Variants in GSE1 observed in about 807,000 individuals in gnomAD.
The protein encoded by GSE1 is genetic suppressor element 1.
In GSE1, 32 loss-of-function variants were observed where a neutral mutation model predicts 112.6. The observed-to-expected ratio is 0.28, with a 90% confidence interval of 0.21 to 0.38. GSE1 has a LOEUF of 0.38. GSE1 is among the 10% of genes least tolerant of loss of function. GSE1 has a pLI of 1.00. For synonymous variants in GSE1, 1,115 were observed against 735.6 expected (o/e 1.52, Z -8.35); for missense variants, 2,348 against 1,699.2 (o/e 1.38, Z -6.71).
At chr16:85,472,129 G>A (rs574030468) in intron 2 of GSE1, among the ~76,000 whole-genome samples, 1 of 152,296 alleles carries the variant, frequency 6.6e-6, no homozygotes, top group East Asian at 1.9e-4. Context: ...TCTCCTGGGG[G>A]ATCTCAGACC....
At chr16:85,274,636 A>G (rs1909176112) in intron 1 of GSE1, among the ~76,000 whole-genome samples, 1 of 152,310 alleles carries the variant, frequency 6.6e-6, no homozygotes, top group South Asian at 2.1e-4. Context: ...CCAGCCTCCC[A>G]CGTGGGATGG....
chr16:85,270,236 G>A (rs73253714), intron 1 of GSE1, among the ~76,000 whole-genome samples: 2,452 of 149,030 alleles, frequency 0.016, 100 homozygotes, highest in African/African-American at 0.056. Flanking sequence ...ACAACTCTGC[G>A]GTCTCTGGGG....
At chr16:85,382,930 G>T (rs532884456) in intron 2 of GSE1, among the ~76,000 whole-genome samples, 2 of 148,324 alleles carry the variant, frequency 1.3e-5, no homozygotes, top group African/African-American at 5.0e-5. Context: ...GCACACACGC[G>T]CACACAACAC....
chr16:85,330,849 A>ACCC (rs1258808726), intron 1 of GSE1, among the ~76,000 whole-genome samples: 1 of 151,532 alleles, frequency 6.6e-6, no homozygotes, highest in Non-Finnish European at 1.5e-5. Flanking sequence ...CTCCCTTCTT[A>ACCC]CCCCAGGCTT....
chr16:85,343,449 A>G (rs1025891206), intron 1 of GSE1, among the ~76,000 whole-genome samples: 1 of 152,172 alleles, frequency 6.6e-6, no homozygotes, highest in Non-Finnish European at 1.5e-5. Flanking sequence ...ATCTGCAGGT[A>G]TCTCAGCTTA....
chr16:85,421,568 T>C (rs2048845922), intron 2 of GSE1, among the ~76,000 whole-genome samples: 1 of 152,194 alleles, frequency 6.6e-6, no homozygotes, highest in Non-Finnish European at 1.5e-5. Context: ...AGCGATTTTC[T>C]GACCAGGCGG....
chr16:85,236,681 C>A (rs1904699043), intron 1 of GSE1, among the ~76,000 whole-genome samples: 1 of 152,156 alleles, frequency 6.6e-6, no homozygotes, highest in African/African-American at 2.4e-5. Context: ...TCATAGGGAG[C>A]CATTGAAGGT....
intron 2 of GSE1, among the ~76,000 whole-genome samples, chr16:85,438,112 G>T (rs2049295510): frequency 6.6e-6 from 1 of 152,190 alleles, no homozygotes; most frequent in South Asian, 2.1e-4. Flanking sequence ...CTTTCTCTGT[G>T]TCCCCCGGAT....
chr16:85,498,943 G>T (rs2051271521), intron 2 of GSE1, among the ~76,000 whole-genome samples: 1 of 152,264 alleles, frequency 6.6e-6, no homozygotes, highest in South Asian at 2.1e-4. Flanking sequence ...ACCGGGGAGA[G>T]AAGATGCCAG....
intron 2 of GSE1, among the ~76,000 whole-genome samples, chr16:85,369,572 C>G (rs1024896931): frequency 5.3e-5 from 8 of 152,144 alleles, no homozygotes; most frequent in African/African-American, 1.9e-4. Flanking sequence ...CTTGCAAGGA[C>G]CCTGTGACCC....
exon 1 of GSE1, chr16:85,170,594 A>G: frequency 1.0e-6 from 1 of 985,530 alleles, no homozygotes; most frequent in East Asian, 1.1e-4. Context: ...CGGGCTCTCC[A>G]GGACAGCCGG....
chr16:85,421,643 G>A (rs768898101), intron 2 of GSE1, among the ~76,000 whole-genome samples: 6 of 152,076 alleles, frequency 3.9e-5, no homozygotes, highest in Non-Finnish European at 8.8e-5. Context: ...GCTTGTGAAC[G>A]GTTTCCACCT....
At chr16:85,298,466 C>T (rs2151455770) in intron 1 of GSE1, among the ~76,000 whole-genome samples, 1 of 152,292 alleles carries the variant, frequency 6.6e-6, no homozygotes, top group Non-Finnish European at 1.5e-5. Flanking sequence ...GTCTCTCTCT[C>T]ACCCAGGTTG....
intron 2 of GSE1, among the ~76,000 whole-genome samples, chr16:85,418,911 T>A (rs1169074929): frequency 6.6e-6 from 1 of 152,018 alleles, no homozygotes; most frequent in African/African-American, 2.4e-5. Flanking sequence ...TTAGAACATC[T>A]CCAAGTCTGT....
intron 2 of GSE1, among the ~76,000 whole-genome samples, chr16:85,538,982 G>C (rs958938472): frequency 1.3e-5 from 2 of 152,014 alleles, no homozygotes; most frequent in Non-Finnish European, 2.9e-5. Context: ...CTGCCATCCG[G>C]GCCACCATGG....
At chr16:85,326,176 C>G (rs1334902921) in intron 1 of GSE1, among the ~76,000 whole-genome samples, 1 of 152,152 alleles carries the variant, frequency 6.6e-6, no homozygotes, top group Non-Finnish European at 1.5e-5. Context: ...CCCCCTGGCT[C>G]GTTCAGGATA....
intron 2 of GSE1, among the ~76,000 whole-genome samples, chr16:85,531,872 A>G (rs946722908): frequency 1.3e-5 from 2 of 152,152 alleles, no homozygotes; most frequent in Non-Finnish European, 2.9e-5. Flanking sequence ...TGCAGAGACA[A>G]GAGACTATTT....
intron 2 of GSE1, among the ~76,000 whole-genome samples, chr16:85,376,275 G>A (rs980884362): frequency 2.6e-5 from 4 of 152,228 alleles, no homozygotes; most frequent in Admixed American, 6.5e-5. Flanking sequence ...TTCTCTCTCC[G>A]GGAAATGGGG....
intron 2 of GSE1, among the ~76,000 whole-genome samples, chr16:85,514,564 G>T (rs1265818438): frequency 6.6e-6 from 1 of 152,138 alleles, no homozygotes; most frequent in East Asian, 1.9e-4. Flanking sequence ...GCTTGGCACG[G>T]CCTCCGGGAA....
Sources: allele counts gnomAD v4.1 joint callset (sites outside exome capture counted in the v4.1 genomes callset), GRCh38; gene constraint gnomAD v4.1.1; transcripts MANE v1.5; gene names NCBI Gene and HGNC (gene_info 2026-07-23, HGNC 2026-07-21).